The following BRCA2 variants were observed in gnomAD, a reference collection of about 807,000 sequenced individuals.
BRCA2 encodes the protein BRCA2 DNA repair associated, also known as breast cancer type 2 susceptibility protein.
A neutral mutation model predicts 276.7 loss-of-function variants in BRCA2; 203 were observed. That is an observed-to-expected ratio of 0.73 (90% CI 0.65 to 0.82). The LOEUF is 0.82. Ranked by LOEUF, BRCA2 falls within the 40% of genes least tolerant of loss-of-function variation. The pLI is 0.00. For missense variants in BRCA2, 3,920 were observed against 3,915.0 expected, an observed-to-expected ratio of 1.00 and a Z score of -0.03; for synonymous variants, 1,289 against 1,338.4, an observed-to-expected ratio of 0.96 and a Z score of 0.81.
At chr13:32,396,708 G>C in intron 25 of BRCA2, 190 bp from the exon 26 acceptor site, 1 of 647,996 alleles carries the variant, frequency 1.5e-6, no homozygotes, top group Non-Finnish European at 2.7e-6. Context: ...CTATCAGCTA[G>C]ATTCCCCTAA....
Position 32,338,603 on chromosome 13 carries a change from A to G in BRCA2, c.4248A>G (p.Gln1416=), listed in dbSNP as rs786201887. The G allele has an allele frequency of 6.3e-7, 1 of 1,596,958 alleles. No homozygotes were observed. The highest frequency in any genetic ancestry group is 8.5e-7 in the Non-Finnish European group (1 of 1,169,814). The change falls in exon 11 of 27, where the codon CAA becomes CAG. Residue 1416 remains glutamine, a synonymous_variant. Coordinates refer to ENST00000380152, the MANE Select transcript of BRCA2 (RefSeq NM_000059.4). ...KEQLTATKTE[Q]NIKDFETSDT... is the part of the protein sequence containing the mutation. The stretch of plus-strand genomic sequence containing the variant: ...AGTTAACTGCTACTAAAACGGAGCA[A>G]AATATAAAAGATTTTGAGACTTCTG...
At chr13:32,351,093 C>T (rs2137548259) in intron 13 of BRCA2, among the ~76,000 whole-genome samples, 1 of 152,318 alleles carries the variant, frequency 6.6e-6, no homozygotes, top group African/African-American at 2.4e-5. Context: ...TAAAAGCTGG[C>T]CACCTGAGCC....
intron 7 of BRCA2, among the ~76,000 whole-genome samples, chr13:32,328,019 A>T (rs981101487): frequency 6.6e-6 from 1 of 152,016 alleles, no homozygotes; most frequent in African/African-American, 2.4e-5. Flanking sequence ...TCCTGAGCTC[A>T]AGCAGCCACC....
At chr13:32,323,935 G>C (rs559351102) in intron 3 of BRCA2, among the ~76,000 whole-genome samples, 1 of 152,272 alleles carries the variant, frequency 6.6e-6, no homozygotes, top group South Asian at 2.1e-4. Context: ...GCCACCTATA[G>C]CTTTAGAAAC....
At chr13:32,358,390 C>T (rs1469633221) in intron 16 of BRCA2, among the ~76,000 whole-genome samples, 2 of 151,010 alleles carry the variant, frequency 1.3e-5, no homozygotes, top group South Asian at 2.1e-4. Flanking sequence ...GCAGGAGAAT[C>T]GCTTGAACCT....
rs1164384033 is a variant in BRCA2, at chr13:32,340,806, G to A, written c.6451G>A (p.Val2151Ile). The A allele has an allele frequency of 2.5e-6, 4 of 1,592,218 alleles. No homozygotes were observed. In the South Asian group the frequency reaches 4.6e-5, roughly 18 times the overall value. Reference protein sequence around the residue: ...GSSENNHSIKVSPYLSQFQQD... With the variant: ...GSSENNHSIKISPYLSQFQQD... ...TTCAGAAAATAATCACTCTATTAAA[G>A]TTTCTCCATATCTCTCTCAATTTCA... The change falls in exon 11 of 27, where the codon GTT (valine) becomes ATT (isoleucine). Residue 2151 changes from valine to isoleucine, a missense_variant. This residue lies in a region of BRCA2 where 3,263 missense variants were observed against 3,156.9 expected (regional missense o/e 1.03). Coordinates refer to ENST00000380152, the MANE Select transcript of BRCA2 (RefSeq NM_000059.4).
Position 32,399,717 on chromosome 13 carries a change from G to A in BRCA2, c.*947G>A. The A allele has an allele frequency of 6.0e-6, 1 of 166,762 alleles. No individual in the cohort carries two copies. Among genetic ancestry groups the A allele is most frequent in the East Asian group, 1.2e-4 (1 of 8,612 alleles). The allele number at this position is 166,762 out of a possible 1,614,324, so 10.3% of individuals were successfully genotyped here. A position where few individuals can be genotyped will look rare whatever the true frequency, so the allele number is the denominator to read the frequency against. On this transcript the variant is annotated 3_prime_UTR_variant, in exon 27 of 27. Transcript: ENST00000380152. Reference sequence around the variant, plus strand: ...CGCTATCACAGGACCCAGAGCCTATGCCCTTTTAAACTTACCACAAAAGCA... The same window carrying A: ...CGCTATCACAGGACCCAGAGCCTATACCCTTTTAAACTTACCACAAAAGCA...
rs80359281 is a variant in BRCA2, at chr13:32,332,798, T to TA, written c.1321dup (p.Thr441AsnfsTer11). 1 of 1,608,410 alleles carries TA rather than the reference T, an allele frequency of 6.2e-7. No individual in the cohort carries two copies. The highest frequency in any genetic ancestry group is 8.5e-7 in the Non-Finnish European group (1 of 1,178,682). On this transcript the variant is annotated frameshift_variant, in exon 10 of 27. Coordinates refer to ENST00000380152, the MANE Select transcript of BRCA2 (RefSeq NM_000059.4). LOFTEE classifies it high-confidence loss of function. ...AGAACAAAAGAAAGAAAGATTTTCT[T>TA]ACTTCAGAGAATTCTTTGCCACGTA...
Position 32,333,391 on chromosome 13 carries a change from C to G in BRCA2, c.1909+4C>G, listed in dbSNP as rs768978701. On this transcript the variant is annotated splice_donor_region_variant and intron_variant, in intron 10 of 26. Transcript: ENST00000380152. ...ACATTTGCAAATGCTGATTCAGGTACCTCTGTCTTTTTTTTTTTGTAAATA... is the reference window on the plus strand; with the variant it reads ...ACATTTGCAAATGCTGATTCAGGTAGCTCTGTCTTTTTTTTTTTGTAAATA... 9 of 1,607,710 alleles carry G rather than the reference C, an allele frequency of 5.6e-6. No individual in the cohort carries two copies. In the South Asian group the frequency reaches 1.0e-4, roughly 18 times the overall value.
Position 32,355,181 on chromosome 13 carries a change from A to G in BRCA2, c.7328A>G (p.Asp2443Gly), listed in dbSNP as rs1253095981. The change falls in exon 14 of 27, where the codon GAT becomes GGT. Residue 2443 changes from aspartate to glycine, a missense_variant. Physicochemically the swap from Asp to Gly is moderately conservative, Grantham distance 94 (BLOSUM62 -1). Coordinates refer to ENST00000380152, the MANE Select transcript of BRCA2 (RefSeq NM_000059.4). ...QKQNIDGHGS[D>G]DSKNKINDNE... is the part of the protein sequence containing the mutation. ...CAAAACATTGATGGACATGGCTCTG[A>G]TGATAGTAAAAATAAGATTAATGAC... The G allele has an allele frequency of 6.2e-7, 1 of 1,613,490 alleles. No individual in the cohort carries two copies. The highest frequency in any genetic ancestry group is 8.5e-7 in the Non-Finnish European group (1 of 1,179,658).
intron 18 of BRCA2, among the ~76,000 whole-genome samples, chr13:32,369,709 G>A (rs1178282917): frequency 6.6e-6 from 1 of 152,066 alleles, no homozygotes; most frequent in Admixed American, 6.5e-5. Flanking sequence ...GAGTAGCTGG[G>A]ATTACAGGCG....
At chr13:32,368,509 T>A (rs1012839886) in intron 18 of BRCA2, among the ~76,000 whole-genome samples, 2 of 152,068 alleles carry the variant, frequency 1.3e-5, no homozygotes, top group Admixed American at 6.5e-5. Context: ...TTTCGTTTTT[T>A]CTGCTCCCTG....
intron 13 of BRCA2, among the ~76,000 whole-genome samples, chr13:32,351,468 C>A (rs1036369556): frequency 2.0e-5 from 3 of 152,170 alleles, no homozygotes; most frequent in Non-Finnish European, 4.4e-5. Context: ...CCATGAGGGT[C>A]CACAGCTTCA....
intron 18 of BRCA2, among the ~76,000 whole-genome samples, chr13:32,366,370 C>T (rs1035498058): frequency 9.9e-5 from 15 of 152,034 alleles, no homozygotes; most frequent in Admixed American, 7.2e-4. Context: ...TACTCTTTTA[C>T]GTATATTTGT....
At chr13:32,380,554 T>TC (rs71071034) in intron 24 of BRCA2, among the ~76,000 whole-genome samples, 4,724 of 146,542 alleles carry the variant, frequency 0.032, 127 homozygotes, top group South Asian at 0.082. Context: ...TTTTTTTTTT[T>TC]CCCCGAGATG....
At chr13:32,358,521 G>A (rs893028882) in intron 16 of BRCA2, among the ~76,000 whole-genome samples, 11 of 151,858 alleles carry the variant, frequency 7.2e-5, no homozygotes, top group African/African-American at 2.7e-4. Context: ...GCCAGACATG[G>A]TGGCTCATGC....
intron 24 of BRCA2, among the ~76,000 whole-genome samples, chr13:32,393,019 C>T (rs1239443817): frequency 1.3e-5 from 2 of 152,052 alleles, no homozygotes; most frequent in Non-Finnish European, 2.9e-5. Flanking sequence ...GATGTTTTCT[C>T]ATGACTAGGA....
chr13:32,331,204 C>T (rs1046167382), intron 9 of BRCA2, among the ~76,000 whole-genome samples, 174 bp downstream of exon 9: 2 of 151,950 alleles, frequency 1.3e-5, no homozygotes, highest in Non-Finnish European at 2.9e-5. Context: ...TACAAGCATG[C>T]ACCACCATGC....
chr13:32,344,786 C>G lies in BRCA2; in HGVS notation c.6937+133C>G. 3 of 619,264 alleles carry G rather than the reference C, an allele frequency of 4.8e-6. No individual in the cohort carries two copies. In the South Asian group the frequency reaches 6.0e-5, roughly 12 times the overall value. The allele number at this position is 619,264 out of a possible 1,614,324, so 38.4% of individuals were successfully genotyped here. A position where few individuals can be genotyped will look rare whatever the true frequency, so the allele number is the denominator to read the frequency against. On this transcript the variant is annotated intron_variant, in intron 12 of 26. Transcript: ENST00000380152. Reference sequence around the variant, plus strand: ...TGAGCCACTGTGCCTAATCAAGGACCTCTTTATACTCTTAAAAATTACTGA... The same window carrying G: ...TGAGCCACTGTGCCTAATCAAGGACGTCTTTATACTCTTAAAAATTACTGA...
Sources: gnomAD v4.1 joint callset for allele counts (sites outside exome capture counted in the v4.1 genomes callset) on GRCh38, gnomAD v4.1.1 for gene constraint, gnomAD v4.1.1 regional missense constraint, MANE v1.5 for transcripts, NCBI Gene and HGNC (gene_info 2026-07-23, HGNC 2026-07-21) for gene names.